The following SPG21 variants were observed in gnomAD, a reference collection of about 807,000 sequenced individuals.
SPG21 encodes SPG21 abhydrolase domain containing, maspardin.
SPG21 carries 26 observed loss-of-function variants against 38.9 expected under a neutral mutation model. The observed-to-expected ratio is 0.67, with a 90% CI of 0.49 to 0.93. The LOEUF is 0.93. Ranked by LOEUF, SPG21 falls within the 40% of genes least tolerant of loss-of-function variation. The pLI is 0.00. For synonymous variants in SPG21, 136 were observed against 128.9 expected (o/e 1.05, Z -0.37); for missense variants, 333 against 376.5 (o/e 0.88, Z 0.96).
intron 7 of SPG21, among the ~76,000 whole-genome samples, chr15:64,966,053 A>C (rs2085535222): frequency 6.6e-6 from 1 of 152,152 alleles, no homozygotes; most frequent in Non-Finnish European, 1.5e-5. Flanking sequence ...AATATAGCTA[A>C]GTAGATTAAC....
rs1359937473 is a variant in SPG21 at position 64,982,255 on chromosome 15, C to T, written c.64-1230G>A. On this transcript the variant is annotated intron_variant, in intron 2 of 8. Coordinates refer to ENST00000204566, the MANE Select transcript of SPG21 (RefSeq NM_016630.7). ...GTCTTCCTGGGCTTAAGCAATCCTC[C>T]CATCTCAGCCTCCTGAGTGTCCGGG... Among the ~76,000 whole-genome samples the T allele has an allele frequency of 2.0e-5, 3 of 151,630 alleles. No homozygotes were observed. The East Asian group carries it at 5.8e-4, about 29-fold the overall frequency.
chr15:64,981,288 CCTTTT>C, intron 2 of SPG21: 1 of 360,022 alleles, frequency 2.8e-6, no homozygotes, highest in Non-Finnish European at 5.1e-6. Context: ...TCCCCCTCCT[CCTTTT>C]TTTTTTTTTT....
At chr15:64,978,598 A>C (rs1190479336) in intron 3 of SPG21, among the ~76,000 whole-genome samples, 5 of 152,208 alleles carry the variant, frequency 3.3e-5, no homozygotes, top group African/African-American at 9.6e-5. Context: ...TTGATGTATG[A>C]CTTTCATTAT....
chr15:64,965,827 A>T (rs1029169093), intron 7 of SPG21, among the ~76,000 whole-genome samples: 1 of 151,506 alleles, frequency 6.6e-6, no homozygotes, highest in Non-Finnish European at 1.5e-5. Context: ...TCAGCCTCCT[A>T]AGTACCTGGG....
chr15:64,970,508 T>C (rs2085641244), intron 5 of SPG21, among the ~76,000 whole-genome samples: 1 of 152,196 alleles, frequency 6.6e-6, no homozygotes, highest in African/African-American at 2.4e-5. Context: ...TTGTTTTTTT[T>C]CTCTAATTGG....
At chr15:64,984,542 G>A (rs938882431) in intron 1 of SPG21, among the ~76,000 whole-genome samples, 1 of 151,846 alleles carries the variant, frequency 6.6e-6, no homozygotes, top group African/African-American at 2.4e-5. Flanking sequence ...TGTAGAGATG[G>A]GGGCCTCCCT....
At chr15:64,989,286 A>AAAGAAAG (rs1566934953) in intron 1 of SPG21, 2 of 150,874 alleles carry the variant, frequency 1.3e-5, no homozygotes, top group Non-Finnish European at 3.0e-5. Flanking sequence ...GAGAAAAAAA[A>AAAGAAAG]AAAGAAAGAA....
At chr15:64,979,731 A>G (rs144039465) in intron 3 of SPG21, among the ~76,000 whole-genome samples, 308 of 151,286 alleles carry the variant, frequency 2.0e-3, no homozygotes, top group African/African-American at 7.4e-3. Flanking sequence ...TAACAGCAGT[A>G]CTCCCACTGG....
At chr15:64,988,708 C>G (rs940307795) in intron 1 of SPG21, 1 of 152,312 alleles carries the variant, frequency 6.6e-6, no homozygotes, top group African/African-American at 2.4e-5. Flanking sequence ...AGTGGCCAGC[C>G]GCGATGGCTC....
chr15:64,981,705 A>G (rs2085889930), intron 2 of SPG21: 1 of 152,058 alleles, frequency 6.6e-6, no homozygotes. Context: ...AGCTGAGGTA[A>G]GACAAGTGCT....
In SPG21 at chr15:64,982,652, T is replaced by C. The variant is rs79456974; in HGVS notation, c.63+855A>G. 1.7e-4 allele frequency among the ~76,000 whole-genome samples: 26 copies of C among 152,366 alleles called. No individual in the cohort carries two copies. In the East Asian group the frequency reaches 5.0e-3, roughly 29 times the overall value. Reference sequence around the variant, plus strand: ...CAAAGGTTTTACTCTACTCAGTGACTTGAACTGCCTTTGTCTAGTGTGATC... The same window carrying C: ...CAAAGGTTTTACTCTACTCAGTGACCTGAACTGCCTTTGTCTAGTGTGATC... On this transcript the variant is annotated intron_variant, in intron 2 of 8. Coordinates refer to ENST00000204566, the MANE Select transcript of SPG21 (RefSeq NM_016630.7).
chr15:64,965,488 A>G, intron 7 of SPG21, 28 bp from the exon 8 acceptor site: 1 of 1,614,102 alleles, frequency 6.2e-7, no homozygotes, highest in South Asian at 1.1e-5. Context: ...CTTCAGCACC[A>G]TAGGAAAGGT....
chr15:64,969,990 A>G (rs535935927), intron 6 of SPG21, 124 bp downstream of exon 6: 1 of 848,050 alleles, frequency 1.2e-6, no homozygotes, highest in Admixed American at 1.7e-5. Context: ...ATCTGCTCAG[A>G]TGTATTACTC....
chr15:64,983,507 C>A lies in SPG21; in HGVS notation c.63G>T (p.Lys21Asn). 6.4e-7 allele frequency: 1 copy of A among 1,571,816 alleles called. No homozygotes were observed. The highest frequency in any genetic ancestry group is 8.7e-7 in the Non-Finnish European group (1 of 1,153,678). ...NWFRGTVPLK[K>N]IIVDDDDSKI... ...AGAGGTATAGTAAAACCATACATACCTTTTTAAGGGGAACTGTACCTCTAA... is the reference window on the plus strand; with the variant it reads ...AGAGGTATAGTAAAACCATACATACATTTTTAAGGGGAACTGTACCTCTAA... The change falls in exon 2 of 9, where the codon AAG becomes AAT. Residue 21 changes from lysine to asparagine, a missense_variant and splice_region_variant. Transcript: ENST00000204566.
At position 64,963,565 on chromosome 15, in the gene SPG21, C is replaced by T. The variant is rs2085488358; in HGVS notation, c.*55G>A. On this transcript the variant is annotated 3_prime_UTR_variant, in exon 9 of 9. Coordinates refer to ENST00000204566, the MANE Select transcript of SPG21 (RefSeq NM_016630.7). ...AAGGCTGGCTGACGGGTGCTGATGC[C>T]ACTGACTATACAAGAACACACCGGG... 1 of 1,457,406 alleles carries T rather than the reference C, an allele frequency of 6.9e-7. No homozygotes were observed. Among genetic ancestry groups the T allele is most frequent in the Non-Finnish European group, 9.6e-7 (1 of 1,039,602 alleles). 90.3% of individuals were successfully genotyped at this position (1,457,406 alleles called of 1,614,324 possible).
chr15:64,964,776 G>A (rs1159080109), intron 8 of SPG21, among the ~76,000 whole-genome samples: 1 of 151,932 alleles, frequency 6.6e-6, no homozygotes, highest in Non-Finnish European at 1.5e-5. Flanking sequence ...GACTACAGGT[G>A]TGCACCACCA....
rs1260971823 is a variant in SPG21 at position 64,968,340 on chromosome 15, C to CCAA, written c.669+914_669+915insTTG. Among the ~76,000 whole-genome samples, 900 of 109,648 alleles carry CCAA rather than the reference C, an allele frequency of 8.2e-3. 7 individuals are homozygous for CCAA. Among genetic ancestry groups the CCAA allele is most frequent in the African/African-American group, 0.031 (859 of 27,452 alleles). The allele number at this position is 109,648 out of a possible 152,430, so 71.9% of individuals were successfully genotyped here. On this transcript the variant is annotated intron_variant, in intron 7 of 8. Coordinates refer to ENST00000204566, the MANE Select transcript of SPG21 (RefSeq NM_016630.7). ...GGGGAACAGAGTGAGACCCTGTTTC[C>CCAA]AAAAAAAAAAAAAAAAAAAGAAAGA...
chr15:64,969,449 A>G lies in SPG21; in HGVS notation c.562-87T>C, dbSNP rs1019738059. 5 of 997,402 alleles carry G rather than the reference A, an allele frequency of 5.0e-6. No homozygotes were observed. The African/African-American group carries it at 7.9e-5, about 16-fold the overall frequency. 61.8% of individuals were successfully genotyped at this position (997,402 alleles called of 1,614,324 possible). A position where few individuals can be genotyped will look rare whatever the true frequency, so the allele number is the denominator to read the frequency against. ...TCCACAGACAACATTTGTGCTTATA[A>G]AGGTGGTATCATCTGTGGTGGGGCC... On this transcript the variant is annotated intron_variant, in intron 6 of 8. Transcript: ENST00000204566.
chr15:64,971,062 T>G (rs1336620530), intron 5 of SPG21, among the ~76,000 whole-genome samples: 4 of 151,248 alleles, frequency 2.6e-5, no homozygotes, highest in African/African-American at 9.7e-5. Context: ...ATTAAAAAAT[T>G]TAAAAAAAAA....
Sources: allele counts gnomAD v4.1 joint callset (sites outside exome capture counted in the v4.1 genomes callset), GRCh38; gene constraint gnomAD v4.1.1; transcripts MANE v1.5; gene names NCBI Gene and HGNC (gene_info 2026-07-23, HGNC 2026-07-21).